Variants in TBC1D8 observed in about 807,000 individuals in gnomAD.
TBC1D8 encodes TBC1 domain family member 8.
TBC1D8 carries 65 observed loss-of-function variants against 118.8 expected under a neutral mutation model. That is an observed-to-expected ratio of 0.55 (90% confidence interval 0.45 to 0.67). The LOEUF (loss-of-function observed/expected upper bound fraction) is 0.67, where lower values mean the gene tolerates loss of function less well. Among genes scored for constraint, TBC1D8 ranks in the 30% least tolerant of loss-of-function variants. The pLI is 0.00. For missense variants in TBC1D8, 1,376 were observed against 1,471.2 expected (o/e 0.94, Z 1.06); for synonymous variants, 566 against 595.8 (o/e 0.95, Z 0.73).
intron 2 of TBC1D8, 86 bp downstream of exon 2, chr2:101,090,123 G>C: frequency 7.0e-7 from 1 of 1,436,448 alleles, no homozygotes. Flanking sequence ...TATCCAAAGG[G>C]GTTACCTTCA....
At chr2:101,035,806 T>A (rs934323232) in intron 9 of TBC1D8, among the ~76,000 whole-genome samples, 1 of 152,154 alleles carries the variant, frequency 6.6e-6, no homozygotes, top group African/African-American at 2.4e-5. Flanking sequence ...ATTTACCCAG[T>A]TGGACGCCAC....
At chr2:101,086,046 G>A (rs1675599498) in intron 2 of TBC1D8, among the ~76,000 whole-genome samples, 1 of 151,688 alleles carries the variant, frequency 6.6e-6, no homozygotes, top group Non-Finnish European at 1.5e-5. Flanking sequence ...GGAGGCTGAG[G>A]CAGGAGAATG....
At chr2:101,143,723 C>T (rs922576874) in intron 1 of TBC1D8, among the ~76,000 whole-genome samples, 11 of 152,242 alleles carry the variant, frequency 7.2e-5, no homozygotes, top group African/African-American at 2.4e-4. Flanking sequence ...CCATGCTCGG[C>T]TAATTTTCTG....
chr2:101,094,722 G>C (rs1292858727), intron 1 of TBC1D8, among the ~76,000 whole-genome samples: 1 of 152,146 alleles, frequency 6.6e-6, no homozygotes, highest in East Asian at 1.9e-4. Context: ...GTGGGAAAGT[G>C]GACAGAGCAG....
chr2:101,060,549 A>G (rs1305565120), intron 2 of TBC1D8, among the ~76,000 whole-genome samples: 1 of 152,202 alleles, frequency 6.6e-6, no homozygotes, highest in Non-Finnish European at 1.5e-5. Context: ...AAATCACCAC[A>G]TTATTAAAGC....
chr2:101,011,376 G>T (rs2105360053), intron 18 of TBC1D8, 75 bp downstream of exon 18: 1 of 1,434,954 alleles, frequency 7.0e-7, no homozygotes. Flanking sequence ...CAAGAAGAGG[G>T]ATGAGGGCAA....
intron 17 of TBC1D8, chr2:101,019,816 C>G (rs1358607742): frequency 6.6e-6 from 1 of 152,164 alleles, no homozygotes; most frequent in African/African-American, 2.4e-5. Context: ...TGCCTGTAAT[C>G]CCAGCACTTT....
chr2:101,079,745 G>A (rs183932572), intron 2 of TBC1D8, among the ~76,000 whole-genome samples: 2,138 of 146,386 alleles, frequency 0.015, 53 homozygotes, highest in African/African-American at 0.051. Flanking sequence ...GAGTGCAGTG[G>A]TGCGATCTCG....
At position 101,009,824 on chromosome 2, in the gene TBC1D8, TTTC is replaced by T. The variant is rs1679056930; in HGVS notation, c.3015+1102_3015+1104del. Among the ~76,000 whole-genome samples, 6 of 139,916 alleles carry T rather than the reference TTTC, an allele frequency of 4.3e-5. 1 individual carries two copies. Among genetic ancestry groups the T allele is most frequent in the Non-Finnish European group, 3.2e-5 (2 of 62,062 alleles). The allele number at this position is 139,916 out of a possible 152,430, so 91.8% of individuals were successfully genotyped here. On this transcript the variant is annotated intron_variant, in intron 19 of 19. Transcript: ENST00000409318. ...CTTAAGTCCTATAAAAAAGGAGCTT[TTTC>T]TTTTTTTTTTTTGAGATGGAGTCTC...
intron 8 of TBC1D8, among the ~76,000 whole-genome samples, chr2:101,037,099 A>G (rs909263160): frequency 4.6e-5 from 7 of 152,256 alleles, no homozygotes; most frequent in African/African-American, 1.7e-4. Context: ...TTCTCCCTAC[A>G]AAGAGGAAAT....
intron 1 of TBC1D8, among the ~76,000 whole-genome samples, chr2:101,145,809 T>C (rs1354763513): frequency 6.6e-6 from 1 of 152,210 alleles, no homozygotes; most frequent in Non-Finnish European, 1.5e-5. Flanking sequence ...CCAAATCCTA[T>C]AAAAACACCT....
Position 101,016,637 on chromosome 2 carries a change from C to T in TBC1D8, c.2827+5044G>A, listed in dbSNP as rs370840737. ...GACACATGCACACGTATGTTTATTG[C>T]GGCACTATTCACAATAGCAAAGACT... On this transcript the variant is annotated intron_variant, in intron 17 of 19. Transcript: ENST00000409318. Among the ~76,000 whole-genome samples the T allele has an allele frequency of 2.4e-4, 37 of 151,884 alleles. 1 individual carries two copies. The highest frequency in any genetic ancestry group is 4.4e-4 in the Non-Finnish European group (30 of 67,960).
chr2:101,104,746 T>C (rs1677085200), intron 1 of TBC1D8, among the ~76,000 whole-genome samples: 2 of 152,212 alleles, frequency 1.3e-5, no homozygotes, highest in African/African-American at 4.8e-5. Flanking sequence ...TCAGGCGCGG[T>C]GGCTCATGCC....
At position 101,128,231 on chromosome 2, in the gene TBC1D8, C is replaced by T. The variant is rs572422725; in HGVS notation, c.127+22896G>A. ...ATCTTAGTTATGAAAAACAAAACTA[C>T]ATGAAATCCAAAACAAATGACTGAA... On this transcript the variant is annotated intron_variant, in intron 1 of 19. Transcript: ENST00000409318. Among the ~76,000 whole-genome samples the T allele has an allele frequency of 3.3e-5, 5 of 152,316 alleles. No individual in the cohort carries two copies. In the East Asian group the frequency reaches 7.7e-4, roughly 23 times the overall value.
At chr2:101,011,319 G>A in intron 18 of TBC1D8, 132 bp downstream of exon 18, 1 of 968,816 alleles carries the variant, frequency 1.0e-6, no homozygotes, top group Non-Finnish European at 1.6e-6. Flanking sequence ...TAAAGGCAGT[G>A]AGTTTGGGGA....
In TBC1D8 at chr2:101,032,333, G is replaced by A; in HGVS notation, c.1871C>T (p.Ala624Val). The A allele has an allele frequency of 1.2e-6, 2 of 1,613,816 alleles. No homozygotes were observed. The highest frequency in any genetic ancestry group is 1.7e-6 in the Non-Finnish European group (2 of 1,179,784). ...ACACACAGCAACCAACAGCCAGAAGGCTTCCTCCTCCTTGGTGTACAGCAG... is the reference window on the plus strand; with the variant it reads ...ACACACAGCAACCAACAGCCAGAAGACTTCCTCCTCCTTGGTGTACAGCAG... ...VLLLYTKEEEAFWLLVAVCER... is the reference protein window; with the variant it reads ...VLLLYTKEEEVFWLLVAVCER... Residue 624 changes from alanine (A) to valine (V), a missense_variant, in exon 11 of 20, where the codon GCC becomes GTC. By Grantham distance (64) the Ala-to-Val change is moderately conservative (BLOSUM62 0). Coordinates refer to ENST00000409318, the MANE Select transcript of TBC1D8 (RefSeq NM_001330348.2).
At chr2:101,079,831 G>A (rs13011818) in intron 2 of TBC1D8, among the ~76,000 whole-genome samples, 22 of 151,600 alleles carry the variant, frequency 1.5e-4, no homozygotes, top group Non-Finnish European at 2.2e-4. Flanking sequence ...GACTACAGGC[G>A]CCCGCCACCA....
chr2:101,103,100 T>A (rs1202207346), intron 1 of TBC1D8, among the ~76,000 whole-genome samples: 1 of 151,774 alleles, frequency 6.6e-6, no homozygotes, highest in Admixed American at 6.6e-5. Context: ...TCAAGCAAAA[T>A]TTTTCAACAA....
intron 4 of TBC1D8, among the ~76,000 whole-genome samples, chr2:101,053,537 G>C (rs892611650): frequency 6.6e-6 from 1 of 152,236 alleles, no homozygotes; most frequent in African/African-American, 2.4e-5. Context: ...GTGTCCGTGG[G>C]AATGACTTTT....
Sources: allele counts gnomAD v4.1 joint callset (sites outside exome capture counted in the v4.1 genomes callset), GRCh38; gene constraint gnomAD v4.1.1; transcripts MANE v1.5; gene names NCBI Gene and HGNC (gene_info 2026-07-23, HGNC 2026-07-21).